PMFBP1: variants seen among roughly 807,000 people sequenced by gnomAD.
PMFBP1 encodes polyamine-modulated factor 1-binding protein 1.
Under a neutral mutation model 137.8 loss-of-function variants are expected in PMFBP1, and 131 were observed. The ratio of observed to expected loss-of-function variants is 0.95; its 90% confidence interval spans 0.82 to 1.10. The LOEUF is 1.10. Among genes scored for constraint, PMFBP1 ranks in the 50% least tolerant of loss-of-function variants. PMFBP1 has a pLI of 0.00. For synonymous variants in PMFBP1, 490 were observed against 450.4 expected (o/e 1.09, Z -1.11); for missense variants, 1,199 against 1,175.4 (o/e 1.02, Z -0.29).
the PMFBP1 span, among the ~76,000 whole-genome samples, chr16:72,228,837 CTTTT>C: frequency 7.4e-6 from 1 of 135,646 alleles, no homozygotes. Context: ...TTATATATTA[CTTTT>C]TTTTTTTTTT....
chr16:72,211,043 A>G, the PMFBP1 span, among the ~76,000 whole-genome samples: 1 of 152,200 alleles, frequency 6.6e-6, no homozygotes, highest in Non-Finnish European at 1.5e-5. Flanking sequence ...ATCACCTTAG[A>G]GGACAGATTA....
intron 19 of PMFBP1, among the ~76,000 whole-genome samples, chr16:72,120,553 C>T (rs879848505): frequency 6.6e-6 from 1 of 152,226 alleles, no homozygotes; most frequent in East Asian, 1.9e-4. Context: ...CTCCCCTTTG[C>T]TGAAGAGTCG....
chr16:72,194,526 C>T, the PMFBP1 span, among the ~76,000 whole-genome samples: 1 of 152,176 alleles, frequency 6.6e-6, no homozygotes, highest in African/African-American at 2.4e-5. Context: ...ATCTGTGTTT[C>T]TTAATTCACC....
At chr16:72,214,380 T>C in the PMFBP1 span, among the ~76,000 whole-genome samples, 4 of 152,120 alleles carry the variant, frequency 2.6e-5, no homozygotes, top group African/African-American at 9.7e-5. Flanking sequence ...TTTTGCCACG[T>C]TAGCCAGGAT....
the PMFBP1 span, among the ~76,000 whole-genome samples, chr16:72,249,140 G>A: frequency 4.1e-4 from 62 of 152,142 alleles, no homozygotes; most frequent in South Asian, 3.7e-3. Flanking sequence ...AATCTATTAA[G>A]AAGGATTAGA....
In PMFBP1 at chr16:72,130,709, G is replaced by A. The variant is rs759149855; in HGVS notation, c.1461C>T (p.Ala487=). 17 of 1,611,822 alleles carry A rather than the reference G, an allele frequency of 1.1e-5. No homozygotes were observed. In the South Asian group the frequency reaches 1.4e-4, roughly 14 times the overall value. ...QQERLAAQQA[A]QCKEEAALAG... ...CCAGTGCAGCCTCTTCTTTGCACTG[G>A]GCTGCTTGCTGAGCTGCAGAAGCAG... Residue 487 remains alanine (A), a synonymous_variant, in exon 11 of 21, where the codon GCC becomes GCT. Coordinates refer to ENST00000237353, the MANE Select transcript of PMFBP1 (RefSeq NM_031293.3).
intron 14 of PMFBP1, among the ~76,000 whole-genome samples, chr16:72,126,466 A>G (rs1268551424): frequency 6.6e-6 from 1 of 152,178 alleles, no homozygotes; most frequent in Non-Finnish European, 1.5e-5. Context: ...ATCCGATTTG[A>G]GGTTAGTGGA....
At chr16:72,189,622 A>C in the PMFBP1 span, among the ~76,000 whole-genome samples, 1 of 152,238 alleles carries the variant, frequency 6.6e-6, no homozygotes, top group Non-Finnish European at 1.5e-5. Context: ...TCAAGTAAGA[A>C]GAGGAAAACC....
chr16:72,177,316 C>T (rs187797571), upstream of PMFBP1, among the ~76,000 whole-genome samples: 3 of 152,290 alleles, frequency 2.0e-5, no homozygotes, highest in East Asian at 1.9e-4. Flanking sequence ...TACTATATGC[C>T]AGGCAGTGTT....
At position 72,136,932 on chromosome 16, in the gene PMFBP1, T is replaced by C. The variant is rs913358601; in HGVS notation, c.919-113A>G. ...AAGTAGGGACAAAGTAGCAGAGTAA[T>C]GGCTGCTGGGGGCCAGGGGATGGGT... On this transcript the variant is annotated intron_variant, in intron 7 of 20. Coordinates refer to ENST00000237353, the MANE Select transcript of PMFBP1 (RefSeq NM_031293.3). The C allele has an allele frequency of 1.3e-5, 19 of 1,420,690 alleles. No homozygotes were observed. The African/African-American group carries it at 2.1e-4, about 16-fold the overall frequency. The allele number at this position is 1,420,690 out of a possible 1,614,324, so 88.0% of individuals were successfully genotyped here.
chr16:72,234,210 T>C, the PMFBP1 span, among the ~76,000 whole-genome samples: 1 of 152,132 alleles, frequency 6.6e-6, no homozygotes, highest in Non-Finnish European at 1.5e-5. Flanking sequence ...TGTATGAAGG[T>C]TCTCTTAACC....
chr16:72,157,211 A>G (rs1374069678), intron 3 of PMFBP1, among the ~76,000 whole-genome samples: 1 of 114,820 alleles, frequency 8.7e-6, no homozygotes, highest in Non-Finnish European at 2.1e-5. Flanking sequence ...AAAAAAAAAA[A>G]CCAGACAAAA....
intron 5 of PMFBP1, among the ~76,000 whole-genome samples, chr16:72,146,437 C>T (rs1417279155): frequency 4.6e-5 from 7 of 152,038 alleles, no homozygotes; most frequent in Middle Eastern, 3.2e-3. Flanking sequence ...GGGCAAAAAC[C>T]GGAAGCATTC....
intron 2 of PMFBP1, among the ~76,000 whole-genome samples, chr16:72,169,123 C>T (rs1220729486): frequency 6.6e-6 from 1 of 152,066 alleles, no homozygotes; most frequent in Non-Finnish European, 1.5e-5. Flanking sequence ...TTGGATTCAA[C>T]CAATAACACC....
Position 72,151,605 on chromosome 16 carries a change from T to C in PMFBP1, c.415-776A>G, listed in dbSNP as rs144729262. 3.9e-5 allele frequency among the ~76,000 whole-genome samples: 6 copies of C among 152,306 alleles called. No individual in the cohort carries two copies. The East Asian group carries it at 7.7e-4, about 20-fold the overall frequency. On this transcript the variant is annotated intron_variant, in intron 4 of 20. Coordinates refer to ENST00000237353, the MANE Select transcript of PMFBP1 (RefSeq NM_031293.3). ...CTTTATATTAGTTTAAATAATCCAATGTAGAATGCTGATAGAACATGTTCC... is the reference window on the plus strand; with the variant it reads ...CTTTATATTAGTTTAAATAATCCAACGTAGAATGCTGATAGAACATGTTCC...
At chr16:72,160,883 A>C (rs918078566) in intron 3 of PMFBP1, among the ~76,000 whole-genome samples, 28 of 152,224 alleles carry the variant, frequency 1.8e-4, no homozygotes, top group African/African-American at 6.5e-4. Context: ...GGAAGTCTTC[A>C]AACTTTGAGC....
chr16:72,123,839 G>T (rs2042413435), intron 17 of PMFBP1, among the ~76,000 whole-genome samples, 190 bp from the exon 18 acceptor site: 1 of 152,276 alleles, frequency 6.6e-6, no homozygotes, highest in East Asian at 1.9e-4. Flanking sequence ...CTCACACAAA[G>T]GTGACATCTC....
At chr16:72,178,808 T>C (rs542366372), upstream of PMFBP1, among the ~76,000 whole-genome samples, 7 of 152,326 alleles carry the variant, frequency 4.6e-5, no homozygotes, top group African/African-American at 1.7e-4. Context: ...GGCTCACATT[T>C]TGACTCAAGT....
chr16:72,137,971 G>T (rs1231305802), intron 7 of PMFBP1, among the ~76,000 whole-genome samples: 2 of 152,064 alleles, frequency 1.3e-5, no homozygotes, highest in African/African-American at 4.8e-5. Context: ...GGGAGGAGAG[G>T]CCTGCTGGAA....
Sources: gnomAD v4.1 joint callset for allele counts (sites outside exome capture counted in the v4.1 genomes callset) on GRCh38, gnomAD v4.1.1 for gene constraint, MANE v1.5 for transcripts, NCBI Gene and HGNC (gene_info 2026-07-23, HGNC 2026-07-21) for gene names.